The following SYT10 variants were observed in gnomAD, a reference collection of about 807,000 sequenced individuals.
SYT10 encodes the protein synaptotagmin-10.
Under a neutral mutation model 51.1 loss-of-function variants are expected in SYT10, and 31 were observed. That is an observed-to-expected ratio of 0.61 (90% confidence interval 0.46 to 0.82). The LOEUF is 0.82. Among genes scored for constraint, SYT10 ranks in the 40% least tolerant of loss-of-function variants. SYT10 has a pLI of 0.00. For synonymous variants in SYT10, 233 were observed against 225.9 expected (o/e 1.03, Z -0.28); for missense variants, 603 against 634.0 (o/e 0.95, Z 0.53).
chr12:33,408,305 G>T (rs1866376770), intron 2 of SYT10: 2 of 151,740 alleles, frequency 1.3e-5, no homozygotes, highest in African/African-American at 4.8e-5. Flanking sequence ...AACATGCTGT[G>T]GTCTTCAGAA....
intron 3 of SYT10, among the ~76,000 whole-genome samples, chr12:33,396,443 A>G (rs1270793853): frequency 6.6e-6 from 1 of 152,222 alleles, no homozygotes; most frequent in Non-Finnish European, 1.5e-5. Flanking sequence ...TTAATAAAAG[A>G]GTAATTTACA....
At chr12:33,376,999 A>G (rs978526695) in intron 6 of SYT10, 98 bp from the exon 7 acceptor site, 2 of 1,256,318 alleles carry the variant, frequency 1.6e-6, no homozygotes, top group African/African-American at 2.9e-5. Context: ...CAACCATAAT[A>G]TGCGAATCTC....
chr12:33,421,697 A>G (rs1316770211), intron 2 of SYT10, among the ~76,000 whole-genome samples: 1 of 152,206 alleles, frequency 6.6e-6, no homozygotes, highest in Non-Finnish European at 1.5e-5. Flanking sequence ...CTGAAAATTT[A>G]GCATCTAGTT....
intron 2 of SYT10, among the ~76,000 whole-genome samples, chr12:33,409,031 G>T (rs10844583): frequency 0.62 from 93,064 of 151,310 alleles, 29,744 homozygotes; most frequent in East Asian, 0.89. Context: ...CCTTCAGCTG[G>T]CTTTTTTTTT....
At chr12:33,406,133 C>T (rs911532669) in intron 3 of SYT10, among the ~76,000 whole-genome samples, 10 of 151,888 alleles carry the variant, frequency 6.6e-5, no homozygotes, top group African/African-American at 2.4e-4. Flanking sequence ...TAATTTTATG[C>T]TATGTGTTTT....
intron 3 of SYT10, among the ~76,000 whole-genome samples, chr12:33,395,147 C>T (rs556349433): frequency 6.6e-6 from 1 of 152,186 alleles, no homozygotes; most frequent in South Asian, 2.1e-4. Context: ...ATTTTAGTGG[C>T]CAGAAAAACA....
intron 5 of SYT10, among the ~76,000 whole-genome samples, chr12:33,382,082 C>T (rs542595318): frequency 2.7e-4 from 41 of 152,120 alleles, no homozygotes; most frequent in Non-Finnish European, 5.0e-4. Flanking sequence ...AAAAAGACTC[C>T]ACAATAGTGC....
chr12:33,407,085 T>C lies in SYT10; in HGVS notation c.781A>G (p.Lys261Glu), dbSNP rs376921367. 6.2e-7 allele frequency: 1 copy of C among 1,613,932 alleles called. No individual in the cohort carries two copies. Among genetic ancestry groups the C allele is most frequent in the African/African-American group, 1.3e-5 (1 of 74,886 alleles). Residue 261 changes from lysine to glutamate, a missense_variant, in exon 3 of 7, where the codon AAA becomes GAA. Transcript: ENST00000228567. ...KIIKALDLPA[K>E]DFTGTSDPYV... ...GGGTCAGAAGTTCCTGTGAAGTCTT[T>C]AGCAGGGAGATCTAAAGCTTTGATA...
chr12:33,383,866 A>C, intron 4 of SYT10, among the ~76,000 whole-genome samples: 1 of 152,196 alleles, frequency 6.6e-6, no homozygotes, highest in East Asian at 1.9e-4. Context: ...GCACTTAATT[A>C]TAACTTTGAT....
intron 2 of SYT10, among the ~76,000 whole-genome samples, chr12:33,415,504 G>A (rs969678291): frequency 3.3e-5 from 5 of 152,142 alleles, no homozygotes; most frequent in African/African-American, 1.2e-4. Flanking sequence ...AATTTGCAAT[G>A]TCTTTACTAT....
chr12:33,387,335 A>C (rs529070453), intron 3 of SYT10, among the ~76,000 whole-genome samples: 2 of 152,300 alleles, frequency 1.3e-5, no homozygotes, highest in East Asian at 3.9e-4. Flanking sequence ...TAATCTCCAA[A>C]ATTTCATTTT....
chr12:33,418,240 T>G (rs983391474), intron 2 of SYT10, among the ~76,000 whole-genome samples: 5 of 152,114 alleles, frequency 3.3e-5, no homozygotes, highest in Non-Finnish European at 7.3e-5. Context: ...GCTTACTTAC[T>G]CTCCTCACTT....
intron 2 of SYT10, among the ~76,000 whole-genome samples, chr12:33,417,262 T>C (rs1472833634): frequency 1.3e-5 from 2 of 152,160 alleles, no homozygotes; most frequent in East Asian, 1.9e-4. Flanking sequence ...AATCCATTCA[T>C]GAATCAATGG....
intron 3 of SYT10, among the ~76,000 whole-genome samples, chr12:33,398,343 C>T (rs1866274766): frequency 6.6e-6 from 1 of 152,004 alleles, no homozygotes; most frequent in African/African-American, 2.4e-5. Context: ...GAAACCCCAT[C>T]TCTACTAAAA....
Position 33,374,652 on chromosome 12 carries a change from A to T in SYT10, c.*2178T>A, listed in dbSNP as rs1441978686. 1 of 152,030 alleles carries T rather than the reference A, an allele frequency of 6.6e-6. No homozygotes were observed. Among genetic ancestry groups the T allele is most frequent in the Non-Finnish European group, 1.5e-5 (1 of 67,926 alleles). 9.4% of individuals were successfully genotyped at this position (152,030 alleles called of 1,614,324 possible). A position where few individuals can be genotyped will look rare whatever the true frequency, so the allele number is the denominator to read the frequency against. On this transcript the variant is annotated 3_prime_UTR_variant, in exon 7 of 7. Coordinates refer to ENST00000228567, the MANE Select transcript of SYT10 (RefSeq NM_198992.4). ...CTCGCTGATCTCTTTCTCAGGATTA[A>T]CACATATCCTTGCATGATGAGTTTA...
At chr12:33,387,438 T>C (rs1309454915) in intron 3 of SYT10, among the ~76,000 whole-genome samples, 2 of 152,186 alleles carry the variant, frequency 1.3e-5, no homozygotes, top group Non-Finnish European at 2.9e-5. Flanking sequence ...GGGTTTGGCA[T>C]GTGATAAGGA....
intron 1 of SYT10, among the ~76,000 whole-genome samples, chr12:33,438,637 G>C (rs1866657161): frequency 6.6e-6 from 1 of 152,176 alleles, no homozygotes; most frequent in Non-Finnish European, 1.5e-5. Flanking sequence ...GGACGTCTGT[G>C]AGTTGGATGT....
chr12:33,385,153 T>C lies in SYT10; in HGVS notation c.1198+18A>G, dbSNP rs781022577. ...ATTTGAGATTGTGCCCTTGGTCCTG[T>C]GGCCATTGTGTACATACCTGATGAG... On this transcript the variant is annotated intron_variant, in intron 4 of 6. Coordinates refer to ENST00000228567, the MANE Select transcript of SYT10 (RefSeq NM_198992.4). 3 of 1,612,268 alleles carry C rather than the reference T, an allele frequency of 1.9e-6. No individual in the cohort carries two copies. The highest frequency in any genetic ancestry group is 1.7e-5 in the Admixed American group (1 of 59,770).
At position 33,386,591 on chromosome 12, in the gene SYT10, C is replaced by G. The variant is rs112697269; in HGVS notation, c.1078-1300G>C. Among the ~76,000 whole-genome samples, 609 of 152,178 alleles carry G rather than the reference C, an allele frequency of 4.0e-3. 2 individuals are homozygous for G. Among genetic ancestry groups the G allele is most frequent in the Middle Eastern group, 0.014 (4 of 294 alleles). The stretch of plus-strand genomic sequence containing the variant: ...TCAAACAGCATCTCTGCAGTGGGGT[C>G]TTCTCCCATCATTCATTCTGAGACT... On this transcript the variant is annotated intron_variant, in intron 3 of 6. Coordinates refer to ENST00000228567, the MANE Select transcript of SYT10 (RefSeq NM_198992.4).
Sources: gnomAD v4.1 joint callset for allele counts (sites outside exome capture counted in the v4.1 genomes callset) on GRCh38, gnomAD v4.1.1 for gene constraint, MANE v1.5 for transcripts, NCBI Gene and HGNC (gene_info 2026-07-23, HGNC 2026-07-21) for gene names.